KAT2B: variants seen among roughly 807,000 people sequenced by gnomAD.
The protein encoded by KAT2B is histone acetyltransferase KAT2B.
Under a neutral mutation model 105.9 loss-of-function variants are expected in KAT2B, and 36 were observed. The ratio of observed to expected loss-of-function variants is 0.34; its 90% CI spans 0.26 to 0.45. The LOEUF (loss-of-function observed/expected upper bound fraction) is 0.45, where lower values mean the gene tolerates loss of function less well. Among genes scored for constraint, KAT2B ranks in the 20% least tolerant of loss-of-function variants. The probability of loss-of-function intolerance (pLI) is 1.00; values close to 1 mark genes in which losing one functional copy is unlikely to be tolerated. For synonymous variants in KAT2B, 397 were observed against 377.9 expected (o/e 1.05, Z -0.59); for missense variants, 820 against 1,021.6 (o/e 0.80, Z 2.69).
chr3:20,101,715 G>A (rs751539295), intron 5 of KAT2B, among the ~76,000 whole-genome samples: 1 of 152,202 alleles, frequency 6.6e-6, no homozygotes, highest in Non-Finnish European at 1.5e-5. Context: ...ACTTGAAAAT[G>A]TGGCTAGTTT....
intron 13 of KAT2B, among the ~76,000 whole-genome samples, chr3:20,145,981 A>T (rs981257005): frequency 6.6e-6 from 1 of 152,092 alleles, no homozygotes; most frequent in Non-Finnish European, 1.5e-5. Context: ...CTTTCCTGTA[A>T]TTCTGGCAGA....
At chr3:20,100,041 C>G in intron 4 of KAT2B, 87 bp downstream of exon 4, 1 of 717,788 alleles carries the variant, frequency 1.4e-6, no homozygotes, top group East Asian at 2.6e-5. Flanking sequence ...TCTACGGCTT[C>G]CCTCCTCCAT....
intron 1 of KAT2B, among the ~76,000 whole-genome samples, chr3:20,062,217 T>A (rs369652846): frequency 0.11 from 6,602 of 60,920 alleles, 662 homozygotes; most frequent in East Asian, 0.4. Context: ...TAAAATATAT[T>A]ATATATAAAA....
intron 2 of KAT2B, among the ~76,000 whole-genome samples, chr3:20,083,492 G>A (rs959241676): frequency 6.6e-6 from 1 of 152,158 alleles, no homozygotes; most frequent in Non-Finnish European, 1.5e-5. Context: ...GTTGACATGG[G>A]TTGGGATTAA....
At chr3:20,075,907 CAAA>C (rs34270654) in intron 2 of KAT2B, among the ~76,000 whole-genome samples, 1 of 133,252 alleles carries the variant, frequency 7.5e-6, no homozygotes, top group African/African-American at 2.8e-5. Context: ...ACTCCCATCT[CAAA>C]AAAAAAAAAA....
chr3:20,144,414 G>A (rs1699749475), intron 13 of KAT2B, among the ~76,000 whole-genome samples: 3 of 148,292 alleles, frequency 2.0e-5, no homozygotes, highest in Non-Finnish European at 3.0e-5. Context: ...TCAGCCTCCC[G>A]AGTAGCTGGG....
At chr3:20,114,188 G>C (rs1179167795) in intron 6 of KAT2B, among the ~76,000 whole-genome samples, 1 of 152,078 alleles carries the variant, frequency 6.6e-6, no homozygotes, top group Non-Finnish European at 1.5e-5. Flanking sequence ...GCCAAAACTT[G>C]AGATCCATTT....
intron 15 of KAT2B, 94 bp from the exon 16 acceptor site, chr3:20,148,148 AT>A: frequency 7.3e-7 from 1 of 1,377,106 alleles, no homozygotes; most frequent in South Asian, 1.2e-5. Flanking sequence ...AATGGTTCCA[AT>A]TTCAGGTTTT....
chr3:20,049,577 C>A (rs1697878830), intron 1 of KAT2B, among the ~76,000 whole-genome samples: 2 of 150,952 alleles, frequency 1.3e-5, no homozygotes, highest in East Asian at 2.0e-4. Context: ...GGTCGCTTTT[C>A]TTCCAAATGG....
chr3:20,153,910 G>A lies in KAT2B; in HGVS notation c.*1385G>A, dbSNP rs947406134. 3.9e-5 allele frequency: 6 copies of A among 152,330 alleles called. No individual in the cohort carries two copies. The highest frequency in any genetic ancestry group is 1.3e-4 in the Admixed American group (2 of 15,276). 9.4% of individuals were successfully genotyped at this position (152,330 alleles called of 1,614,324 possible). On this transcript the variant is annotated 3_prime_UTR_variant, in exon 18 of 18. Coordinates refer to ENST00000263754, the MANE Select transcript of KAT2B (RefSeq NM_003884.5). Reference sequence around the variant, plus strand: ...GTTGCCAGTGATAATCTGCATGAAGGAAAAAGAACCCTGCAAATGGCTATT... The same window carrying A: ...GTTGCCAGTGATAATCTGCATGAAGAAAAAAGAACCCTGCAAATGGCTATT...
At chr3:20,120,353 G>A (rs988190508) in intron 8 of KAT2B, among the ~76,000 whole-genome samples, 3 of 152,000 alleles carry the variant, frequency 2.0e-5, no homozygotes, top group African/African-American at 7.3e-5. Flanking sequence ...TCAGTCTCCT[G>A]AGTAGCTGGG....
intron 1 of KAT2B, among the ~76,000 whole-genome samples, chr3:20,060,942 AAAC>A (rs146487562): frequency 0.18 from 26,942 of 151,436 alleles, 2,482 homozygotes; most frequent in Middle Eastern, 0.22. Context: ...CCCTGTCTCA[AAAC>A]AACAACAACA....
rs1473205286 is a variant in KAT2B at position 20,152,801 on chromosome 3, A to G, written c.*276A>G. The G allele has an allele frequency of 4.7e-6, 1 of 213,178 alleles. No individual in the cohort carries two copies. Among genetic ancestry groups the G allele is most frequent in the Non-Finnish European group, 9.5e-6 (1 of 105,490 alleles). 13.2% of individuals were successfully genotyped at this position (213,178 alleles called of 1,614,324 possible). A position where few individuals can be genotyped will look rare whatever the true frequency, so the allele number is the denominator to read the frequency against. Reference sequence around the variant, plus strand: ...ATGTCCATTAGCTATTTCATGATAGATGATTAGGGGTTTCCTCAAAACCTG... The same window carrying G: ...ATGTCCATTAGCTATTTCATGATAGGTGATTAGGGGTTTCCTCAAAACCTG... On this transcript the variant is annotated 3_prime_UTR_variant, in exon 18 of 18. Transcript: ENST00000263754.
intron 5 of KAT2B, among the ~76,000 whole-genome samples, chr3:20,101,679 G>A (rs1698914132): frequency 6.6e-6 from 1 of 152,160 alleles, no homozygotes; most frequent in Admixed American, 6.5e-5. Context: ...TCTATACCCA[G>A]TGTGATAGCC....
At position 20,153,383 on chromosome 3, in the gene KAT2B, T is replaced by C. The variant is rs1273292100; in HGVS notation, c.*858T>C. 1 of 152,310 alleles carries C rather than the reference T, an allele frequency of 6.6e-6. No individual in the cohort carries two copies. The allele number at this position is 152,310 out of a possible 1,614,324, so 9.4% of individuals were successfully genotyped here. On this transcript the variant is annotated 3_prime_UTR_variant, in exon 18 of 18. Transcript: ENST00000263754. ...TTAATAGGAAAAGATGTATGGTCTA[T>C]ATATGTATCAATCTGGTGAATCCTC... is the stretch of plus-strand genomic sequence containing the variant.
rs1699893477 is a variant in KAT2B at position 20,152,914 on chromosome 3, T to C, written c.*389T>C. On this transcript the variant is annotated 3_prime_UTR_variant, in exon 18 of 18. Coordinates refer to ENST00000263754, the MANE Select transcript of KAT2B (RefSeq NM_003884.5). Reference sequence around the variant, plus strand: ...AATGAATGTTTCCATTTTTTTCTAATGGAATGTGAGAGTTTACTTTTATTT... The same window carrying C: ...AATGAATGTTTCCATTTTTTTCTAACGGAATGTGAGAGTTTACTTTTATTT... 1 of 155,788 alleles carries C rather than the reference T, an allele frequency of 6.4e-6. No individual in the cohort carries two copies. Among genetic ancestry groups the C allele is most frequent in the Non-Finnish European group, 1.4e-5 (1 of 70,104 alleles). 9.7% of individuals were successfully genotyped at this position (155,788 alleles called of 1,614,324 possible).
intron 5 of KAT2B, among the ~76,000 whole-genome samples, chr3:20,107,549 T>C (rs1278726236): frequency 1.3e-5 from 2 of 149,836 alleles, no homozygotes; most frequent in East Asian, 4.2e-4. Context: ...TCCCAGCTAC[T>C]TGGGAGGCTG....
chr3:20,073,246 C>A (rs1269567793), intron 2 of KAT2B, among the ~76,000 whole-genome samples: 1 of 152,132 alleles, frequency 6.6e-6, no homozygotes, highest in Non-Finnish European at 1.5e-5. Context: ...TACAGTCTCC[C>A]CCAAAATGTC....
At chr3:20,092,600 C>G (rs1268414154) in intron 2 of KAT2B, among the ~76,000 whole-genome samples, 1 of 151,694 alleles carries the variant, frequency 6.6e-6, no homozygotes, top group African/African-American at 2.4e-5. Context: ...ACATTAGGTG[C>G]TGTAACATTA....
Sources: gnomAD v4.1 joint callset for allele counts (sites outside exome capture counted in the v4.1 genomes callset) on GRCh38, gnomAD v4.1.1 for gene constraint, MANE v1.5 for transcripts, NCBI Gene and HGNC (gene_info 2026-07-23, HGNC 2026-07-21) for gene names.